The following CDH13 variants were observed in gnomAD, a reference collection of about 807,000 sequenced individuals.
CDH13 encodes the protein cadherin 13.
In CDH13, 24 loss-of-function variants were observed where a neutral mutation model predicts 63.8. That is an observed-to-expected ratio of 0.38 (90% confidence interval 0.27 to 0.53). CDH13 has a LOEUF of 0.53. CDH13 is among the 20% of genes least tolerant of loss of function. CDH13 has a pLI of 0.85. For missense variants in CDH13, 1,049 were observed against 903.1 expected, an observed-to-expected ratio of 1.16 and a Z score of -2.07; for synonymous variants, 503 against 355.3, an observed-to-expected ratio of 1.42 and a Z score of -4.67.
intron 5 of CDH13, among the ~76,000 whole-genome samples, chr16:83,329,516 C>T (rs913857444): frequency 2.2e-4 from 33 of 152,008 alleles, no homozygotes; most frequent in Non-Finnish European, 4.0e-4. Context: ...GGATTACAGG[C>T]GTCAAATTAA....
At chr16:83,040,753 A>G (rs541206902) in intron 3 of CDH13, among the ~76,000 whole-genome samples, 3 of 152,314 alleles carry the variant, frequency 2.0e-5, no homozygotes, top group South Asian at 2.1e-4. Context: ...CGAGTTGACA[A>G]TCAATATTAG....
chr16:83,155,858 A>G (rs2037186366), intron 4 of CDH13, among the ~76,000 whole-genome samples: 1 of 152,232 alleles, frequency 6.6e-6, no homozygotes, highest in Non-Finnish European at 1.5e-5. Context: ...CCTTGGCTGC[A>G]TTTTAGAATC....
chr16:82,692,706 A>T (rs1437207552), intron 1 of CDH13, among the ~76,000 whole-genome samples: 5 of 152,182 alleles, frequency 3.3e-5, no homozygotes, highest in Non-Finnish European at 2.9e-5. Flanking sequence ...CAATCAGAGG[A>T]GAGAGAACGT....
chr16:83,783,658 A>T (rs1263311351), intron 13 of CDH13, among the ~76,000 whole-genome samples, 186 bp downstream of exon 13: 4 of 152,212 alleles, frequency 2.6e-5, no homozygotes, highest in African/African-American at 9.6e-5. Context: ...GTTTAAAGGC[A>T]TCTTAACAAT....
intron 3 of CDH13, among the ~76,000 whole-genome samples, chr16:83,086,165 GT>G (rs1244356570): frequency 6.6e-6 from 1 of 152,154 alleles, no homozygotes; most frequent in East Asian, 1.9e-4. Context: ...GTGTCTTCCA[GT>G]TCACTACATG....
At chr16:83,482,669 G>C (rs576363560) in intron 6 of CDH13, among the ~76,000 whole-genome samples, 2 of 152,364 alleles carry the variant, frequency 1.3e-5, no homozygotes, top group Admixed American at 1.3e-4. Context: ...TCAGCAGATA[G>C]GTTGGGGTTC....
At chr16:82,863,577 G>T (rs1397766480) in intron 2 of CDH13, among the ~76,000 whole-genome samples, 2 of 152,176 alleles carry the variant, frequency 1.3e-5, no homozygotes, top group African/African-American at 2.4e-5. Flanking sequence ...GGTAGTCCCT[G>T]CTTCTAGAGC....
chr16:82,679,458 A>T (rs1914304321), intron 1 of CDH13, among the ~76,000 whole-genome samples: 1 of 152,242 alleles, frequency 6.6e-6, no homozygotes, highest in Admixed American at 6.5e-5. Context: ...GCTTGTGAGC[A>T]TGGAAGGCTT....
chr16:82,800,506 G>A, intron 1 of CDH13, among the ~76,000 whole-genome samples: 1 of 152,108 alleles, frequency 6.6e-6, no homozygotes, highest in Non-Finnish European at 1.5e-5. Context: ...CCCAGTATGT[G>A]GAAAAATGCT....
chr16:83,229,469 T>G (rs2039940701), intron 5 of CDH13, among the ~76,000 whole-genome samples: 1 of 152,082 alleles, frequency 6.6e-6, no homozygotes, highest in African/African-American at 2.4e-5. Context: ...GTAAATATTC[T>G]CTCTTAAAAT....
intron 2 of CDH13, among the ~76,000 whole-genome samples, chr16:82,963,498 C>T (rs1201838739): frequency 1.3e-5 from 2 of 152,192 alleles, no homozygotes; most frequent in African/African-American, 2.4e-5. Context: ...CATCCTCACA[C>T]ACTCCCCTCT....
intron 6 of CDH13, among the ~76,000 whole-genome samples, chr16:83,347,198 A>G (rs1433926741): frequency 6.6e-6 from 1 of 152,206 alleles, no homozygotes; most frequent in Non-Finnish European, 1.5e-5. Flanking sequence ...CCTCTTCTTC[A>G]ACTTAAATCG....
At chr16:82,733,292 G>A (rs528384374) in intron 1 of CDH13, among the ~76,000 whole-genome samples, 111 of 152,288 alleles carry the variant, frequency 7.3e-4, no homozygotes, top group African/African-American at 2.6e-3. Context: ...TATCAGCCCA[G>A]CAGCAGACAC....
intron 5 of CDH13, among the ~76,000 whole-genome samples, chr16:83,246,334 G>C (rs1904990160): frequency 6.6e-6 from 1 of 152,042 alleles, no homozygotes; most frequent in Admixed American, 6.6e-5. Flanking sequence ...TGATTCAGGG[G>C]GGGTCTGTGA....
chr16:82,842,985 A>T (rs923757350), intron 1 of CDH13, among the ~76,000 whole-genome samples: 2 of 152,136 alleles, frequency 1.3e-5, no homozygotes, highest in Non-Finnish European at 2.9e-5. Flanking sequence ...GCAGCTATAA[A>T]TACAGACGCA....
chr16:82,708,769 C>A (rs1039402692), intron 1 of CDH13, among the ~76,000 whole-genome samples: 13 of 152,186 alleles, frequency 8.5e-5, no homozygotes, highest in African/African-American at 2.9e-4. Context: ...GAGAAGCTGT[C>A]AGTTTTCTGA....
intron 7 of CDH13, among the ~76,000 whole-genome samples, chr16:83,523,036 A>G (rs748161621): frequency 6.6e-6 from 1 of 152,134 alleles, no homozygotes; most frequent in Non-Finnish European, 1.5e-5. Context: ...TTCTGCTGAA[A>G]TGTCACTTCT....
chr16:83,392,076 C>T (rs1045289566), intron 6 of CDH13, among the ~76,000 whole-genome samples: 2 of 152,110 alleles, frequency 1.3e-5, no homozygotes, highest in Non-Finnish European at 2.9e-5. Flanking sequence ...ATTATTGTGA[C>T]ACTCAAAAAT....
intron 1 of CDH13, among the ~76,000 whole-genome samples, chr16:82,703,419 G>T (rs956897033): frequency 6.6e-6 from 1 of 152,192 alleles, no homozygotes; most frequent in African/African-American, 2.4e-5. Flanking sequence ...GTACCCCCAG[G>T]ATCAGCTCTC....
Sources: allele counts gnomAD v4.1 joint callset (sites outside exome capture counted in the v4.1 genomes callset), GRCh38; gene constraint gnomAD v4.1.1; transcripts MANE v1.5; gene names NCBI Gene and HGNC (gene_info 2026-07-23, HGNC 2026-07-21).